The following TRIP12 variants were observed in gnomAD, a reference collection of about 807,000 sequenced individuals.
The protein encoded by TRIP12 is E3 ubiquitin-protein ligase TRIP12.
Under a neutral mutation model 244.2 loss-of-function variants are expected in TRIP12, and 25 were observed. That is an observed-to-expected ratio of 0.10 (90% CI 0.07 to 0.14). The LOEUF (loss-of-function observed/expected upper bound fraction) is 0.14, where lower values mean the gene tolerates loss of function less well. TRIP12 is among the 10% of genes least tolerant of loss of function. The probability of loss-of-function intolerance (pLI) is 1.00; values close to 1 mark genes in which losing one functional copy is unlikely to be tolerated. For missense variants in TRIP12, 1,677 were observed against 2,486.4 expected (o/e 0.67, Z 6.92); for synonymous variants, 905 against 873.1 (o/e 1.04, Z -0.64).
intron 3 of TRIP12, 59 bp from the exon 4 acceptor site, chr2:229,859,633 T>C: frequency 3.3e-6 from 5 of 1,507,566 alleles, no homozygotes; most frequent in Non-Finnish European, 3.6e-6. Context: ...AACTGTCATA[T>C]ATAATGCTTT....
At chr2:229,830,659 T>C (rs1409906728) in intron 7 of TRIP12, 97 bp downstream of exon 7, 5 of 1,278,930 alleles carry the variant, frequency 3.9e-6, no homozygotes, top group East Asian at 2.4e-5. Flanking sequence ...TGCTAGATTA[T>C]GGTCAAATGA....
chr2:229,881,659 G>A (rs2154354902), intron 1 of TRIP12, among the ~76,000 whole-genome samples: 1 of 152,052 alleles, frequency 6.6e-6, no homozygotes, highest in Admixed American at 6.5e-5. Context: ...GTCAGTTTTA[G>A]AAAGAAAAAA....
intron 8 of TRIP12, among the ~76,000 whole-genome samples, chr2:229,825,495 T>TC (rs1312851751): frequency 6.6e-6 from 1 of 152,228 alleles, no homozygotes; most frequent in African/African-American, 2.4e-5. Context: ...TTGAATTGAC[T>TC]CACAGTTTGG....
chr2:229,775,972 A>G (rs1185188832), intron 37 of TRIP12, among the ~76,000 whole-genome samples: 10 of 152,090 alleles, frequency 6.6e-5, no homozygotes, highest in Non-Finnish European at 1.5e-5. Flanking sequence ...AAAAACAAAC[A>G]AACAAAAAAA....
chr2:229,793,331 A>G (rs1429925911), intron 26 of TRIP12, 186 bp from the exon 27 acceptor site: 4 of 503,840 alleles, frequency 7.9e-6, no homozygotes, highest in South Asian at 7.7e-5. Flanking sequence ...TTTTATACGT[A>G]AGAAATAAAA....
intron 4 of TRIP12, among the ~76,000 whole-genome samples, chr2:229,851,019 G>A (rs1363627331): frequency 2.6e-5 from 4 of 152,230 alleles, no homozygotes; most frequent in Admixed American, 1.3e-4. Flanking sequence ...GGGCTCCTGT[G>A]CAGCCCAAGC....
intron 30 of TRIP12, among the ~76,000 whole-genome samples, chr2:229,790,075 C>A (rs868085169): frequency 6.6e-6 from 1 of 152,132 alleles, no homozygotes; most frequent in African/African-American, 2.4e-5. Context: ...GGAATAAAAA[C>A]AAACTGTTTA....
intron 1 of TRIP12, chr2:229,894,301 C>T (rs1202094317): frequency 6.6e-6 from 1 of 152,148 alleles, no homozygotes; most frequent in Admixed American, 6.5e-5. Flanking sequence ...CCAAAATACT[C>T]AAGAATCTAA....
In TRIP12 at chr2:229,821,519, T is replaced by C. The variant is rs567692338; in HGVS notation, c.1451-3007A>G. Among the ~76,000 whole-genome samples, 15 of 152,306 alleles carry C rather than the reference T, an allele frequency of 9.8e-5. No homozygotes were observed. In the South Asian group the frequency reaches 2.1e-3, roughly 21 times the overall value. On this transcript the variant is annotated intron_variant, in intron 8 of 41. Transcript: ENST00000675903. ...TAGCACTGTAGCTGGAAAGTATCCA[T>C]AGAAAGTAAGACTAATACAAACAAA...
At chr2:229,864,045 A>AGAGAGT (rs1559957254) in intron 2 of TRIP12, among the ~76,000 whole-genome samples, 14 of 67,258 alleles carry the variant, frequency 2.1e-4, no homozygotes, top group Admixed American at 8.8e-4. Flanking sequence ...AGAGAGAGAG[A>AGAGAGT]GAGTGTGTGT....
rs150799135 is a variant in TRIP12, at chr2:229,771,588, A to G, written c.5739T>C (p.Phe1913=). 2 of 1,614,004 alleles carry G rather than the reference A, an allele frequency of 1.2e-6. No individual in the cohort carries two copies. The highest frequency in any genetic ancestry group is 1.3e-5 in the African/African-American group (1 of 74,934). ...WALNEGVSRQ[F]DSFRDGFESV... is the part of the protein sequence containing the mutation. ...ATTCAAATCCATCTCTGAACGAATC[A>G]AATTGCCTAGAAACGCCTTCATTTA... The change falls in exon 39 of 42, where the codon TTT becomes TTC. Residue 1913 remains phenylalanine (F), a synonymous_variant. Transcript: ENST00000675903.
At chr2:229,900,479 T>C (rs1190176795) in intron 1 of TRIP12, among the ~76,000 whole-genome samples, 2 of 152,222 alleles carry the variant, frequency 1.3e-5, no homozygotes, top group Non-Finnish European at 2.9e-5. Context: ...AGTCCCATAC[T>C]ACAGATGATT....
intron 1 of TRIP12, chr2:229,921,657 G>A (rs994833710): frequency 2.6e-5 from 4 of 152,086 alleles, no homozygotes; most frequent in Non-Finnish European, 2.9e-5. Context: ...CTCCGGCCGC[G>A]GCCGCCCTCG....
intron 1 of TRIP12, among the ~76,000 whole-genome samples, chr2:229,908,061 T>C (rs1385542419): frequency 2.0e-5 from 3 of 152,110 alleles, no homozygotes; most frequent in African/African-American, 7.2e-5. Flanking sequence ...ACTAAACTTA[T>C]CATTATTCAT....
At position 229,883,258 on chromosome 2, in the gene TRIP12, CAA is replaced by C. The variant is rs1408418008; in HGVS notation, c.-49-3132_-49-3131del. Among the ~76,000 whole-genome samples, 7 of 152,242 alleles carry C rather than the reference CAA, an allele frequency of 4.6e-5. No individual in the cohort carries two copies. The East Asian group carries it at 1.3e-3, about 29-fold the overall frequency. On this transcript the variant is annotated intron_variant, in intron 1 of 41. Transcript: ENST00000675903. ...TTCATAGGTATCACCACCTCAACTT[CAA>C]AAAAAGTTTAATGCCTCTTTGGCTT...
intron 1 of TRIP12, among the ~76,000 whole-genome samples, chr2:229,885,577 A>AG (rs2065846489): frequency 6.6e-6 from 1 of 152,228 alleles, no homozygotes; most frequent in Non-Finnish European, 1.5e-5. Context: ...AAGTGTGGTA[A>AG]GGGGCAGCAT....
chr2:229,838,593 A>G (rs781609675), intron 5 of TRIP12, among the ~76,000 whole-genome samples: 3 of 152,216 alleles, frequency 2.0e-5, no homozygotes, highest in Non-Finnish European at 2.9e-5. Flanking sequence ...GACAATTACA[A>G]CACTAGATTA....
At chr2:229,806,183 C>T (rs1343528438) in intron 17 of TRIP12, 2 of 223,018 alleles carry the variant, frequency 9.0e-6, no homozygotes, top group African/African-American at 4.5e-5. Context: ...AAAGAAGACA[C>T]CATTTGTATT....
intron 8 of TRIP12, among the ~76,000 whole-genome samples, chr2:229,818,936 GAATA>G (rs1185815533): frequency 6.6e-6 from 1 of 151,406 alleles, no homozygotes; most frequent in Non-Finnish European, 1.5e-5. Context: ...ATCTGTTCCA[GAATA>G]AATAGAATCC....
Sources: allele counts gnomAD v4.1 joint callset (sites outside exome capture counted in the v4.1 genomes callset), GRCh38; gene constraint gnomAD v4.1.1; transcripts MANE v1.5; gene names NCBI Gene and HGNC (gene_info 2026-07-23, HGNC 2026-07-21).